SORBS2: variants seen among roughly 807,000 people sequenced by gnomAD.
SORBS2 encodes the protein sorbin and SH3 domain-containing protein 2.
In SORBS2, 46 loss-of-function variants were observed where a neutral mutation model predicts 97.7. The ratio of observed to expected loss-of-function variants is 0.47; its 90% CI spans 0.37 to 0.60. The LOEUF (loss-of-function observed/expected upper bound fraction) is 0.60, where lower values mean the gene tolerates loss of function less well. SORBS2 is among the 20% of genes least tolerant of loss of function. SORBS2 has a pLI of 0.00. For synonymous variants in SORBS2, 476 were observed against 473.4 expected (o/e 1.01, Z -0.07); for missense variants, 1,316 against 1,282.3 (o/e 1.03, Z -0.40).
At chr4:185,791,228 A>AT (rs750332833) in intron 1 of SORBS2, among the ~76,000 whole-genome samples, 2 of 152,020 alleles carry the variant, frequency 1.3e-5, no homozygotes, top group Non-Finnish European at 2.9e-5. Flanking sequence ...TACCACCTAC[A>AT]TAAGAACAAA....
chr4:185,775,090 T>C (rs1386412671), intron 2 of SORBS2, 137 bp downstream of exon 2: 1 of 152,404 alleles, frequency 6.6e-6, no homozygotes, highest in Non-Finnish European at 1.5e-5. Flanking sequence ...GCTCCTGCTG[T>C]ATTCTGGAAC....
intron 1 of SORBS2, among the ~76,000 whole-genome samples, chr4:185,823,465 C>T (rs116430674): frequency 0.015 from 2,221 of 150,992 alleles, 29 homozygotes; most frequent in East Asian, 0.042. Context: ...TGTTTAATAA[C>T]GAGGGATTGA....
chr4:185,904,221 C>T (rs2099249404), intron 1 of SORBS2, among the ~76,000 whole-genome samples: 1 of 152,160 alleles, frequency 6.6e-6, no homozygotes, highest in Non-Finnish European at 1.5e-5. Context: ...TAATGTCTAC[C>T]ACCCTTACAG....
At chr4:185,897,094 C>T (rs188840479) in intron 1 of SORBS2, among the ~76,000 whole-genome samples, 2,918 of 152,256 alleles carry the variant, frequency 0.019, 100 homozygotes, top group African/African-American at 0.067. Flanking sequence ...GCCCAATTCT[C>T]CCCTGAGGCC....
At chr4:185,803,705 T>C (rs538671648) in intron 1 of SORBS2, among the ~76,000 whole-genome samples, 68 of 152,330 alleles carry the variant, frequency 4.5e-4, no homozygotes, top group South Asian at 1.2e-3. Context: ...AAATGAGTTA[T>C]ATTAGTCCTG....
chr4:185,937,643 A>C (rs1683003951), intron 1 of SORBS2, among the ~76,000 whole-genome samples: 1 of 152,098 alleles, frequency 6.6e-6, no homozygotes. Flanking sequence ...GTCCTCCTAC[A>C]GGCTCCTGAT....
chr4:185,792,491 C>CGAAAA (rs748326718), intron 1 of SORBS2, among the ~76,000 whole-genome samples: 56 of 140,774 alleles, frequency 4.0e-4, no homozygotes, highest in African/African-American at 1.2e-3. Flanking sequence ...GCGACTCCAT[C>CGAAAA]GAAAAGAAAA....
chr4:185,935,997 G>A (rs879902103), intron 1 of SORBS2, among the ~76,000 whole-genome samples: 1 of 152,152 alleles, frequency 6.6e-6, no homozygotes, highest in Non-Finnish European at 1.5e-5. Flanking sequence ...GATTACAGGT[G>A]TGCACCACCA....
intron 2 of SORBS2, among the ~76,000 whole-genome samples, chr4:185,709,320 T>TTTTTTTTTTTTTTTTTC (rs1181008953): frequency 2.3e-4 from 33 of 141,034 alleles, no homozygotes; most frequent in Middle Eastern, 3.8e-3. Context: ...TTTTTTTTTT[T>TTTTTTTTTTTTTTTTTC]TTTTAGTAAA....
chr4:185,706,975 T>C (rs982307610), intron 2 of SORBS2, among the ~76,000 whole-genome samples: 1 of 152,176 alleles, frequency 6.6e-6, no homozygotes, highest in Non-Finnish European at 1.5e-5. Flanking sequence ...TAAACACGTA[T>C]GTACATGTTT....
chr4:185,624,199 G>A (rs763366239), exon 7 of SORBS2: 20 of 1,614,098 alleles, frequency 1.2e-5, no homozygotes, highest in Admixed American at 1.7e-5. Flanking sequence ...ATAACAGGGA[G>A]CCCATGCTTT....
rs2096614011 is a variant in SORBS2 at position 185,615,516 on chromosome 4, T to A, written c.2352-357A>T. Among the ~76,000 whole-genome samples the A allele has an allele frequency of 3.3e-5, 5 of 150,960 alleles. No individual in the cohort carries two copies. The South Asian group carries it at 1.0e-3, about 31-fold the overall frequency. On this transcript the variant is annotated intron_variant, in intron 9 of 14. Transcript: ENST00000418609. ...ATGATGGAATAGTTCTGCACTGATT[T>A]TTTTTTTTTTTGTCCTGAAGCTAGT...
intron 1 of SORBS2, among the ~76,000 whole-genome samples, chr4:185,871,291 G>A (rs529838168): frequency 6.6e-6 from 1 of 152,006 alleles, no homozygotes; most frequent in Non-Finnish European, 1.5e-5. Flanking sequence ...AGGACATGAA[G>A]CTCAGAAAAA....
chr4:185,741,639 C>T (rs543945968), intron 2 of SORBS2, among the ~76,000 whole-genome samples: 1 of 152,096 alleles, frequency 6.6e-6, no homozygotes, highest in Non-Finnish European at 1.5e-5. Context: ...GCTGGGATTA[C>T]AGGCGTGAGC....
intron 1 of SORBS2, among the ~76,000 whole-genome samples, chr4:185,911,660 C>T (rs937379205): frequency 2.0e-5 from 3 of 152,140 alleles, no homozygotes; most frequent in East Asian, 3.9e-4. Context: ...TTTGCTGTCA[C>T]GTTGGCCAGG....
intron 1 of SORBS2, among the ~76,000 whole-genome samples, chr4:185,934,751 T>C (rs1330563103): frequency 2.8e-5 from 4 of 145,062 alleles, no homozygotes; most frequent in African/African-American, 2.6e-5. Context: ...ACCACTGGAC[T>C]CCAGCCTGGG....
At chr4:185,751,190 A>AAAAAAAAAAAAAAAAG in intron 2 of SORBS2, among the ~76,000 whole-genome samples, 94 of 86,386 alleles carry the variant, frequency 1.1e-3, no homozygotes, top group Middle Eastern at 6.8e-3. Flanking sequence ...AAAAAAAAAA[A>AAAAAAAAAAAAAAAAG]AGAGAAAGAG....
chr4:185,813,402 C>T (rs2099190225), intron 1 of SORBS2, among the ~76,000 whole-genome samples: 1 of 152,162 alleles, frequency 6.6e-6, no homozygotes, highest in African/African-American at 2.4e-5. Context: ...AGGTCTGAGC[C>T]ACCCAGGGTC....
chr4:185,737,010 G>A (rs1331432030), intron 2 of SORBS2, among the ~76,000 whole-genome samples: 1 of 152,092 alleles, frequency 6.6e-6, no homozygotes, highest in Non-Finnish European at 1.5e-5. Context: ...CTGAGTTCCG[G>A]GTTGCTCTTA....
Sources: gnomAD v4.1 joint callset for allele counts (sites outside exome capture counted in the v4.1 genomes callset) on GRCh38, gnomAD v4.1.1 for gene constraint, MANE v1.5 for transcripts, NCBI Gene and HGNC (gene_info 2026-07-23, HGNC 2026-07-21) for gene names.